The following PDE4DIP variants were observed in gnomAD, a reference collection of about 807,000 sequenced individuals.
PDE4DIP encodes phosphodiesterase 4D interacting protein.
Under a neutral mutation model 221.4 loss-of-function variants are expected in PDE4DIP, and 59 were observed. The observed-to-expected ratio is 0.27, with a 90% CI of 0.22 to 0.33. PDE4DIP has a LOEUF of 0.33. Among genes scored for constraint, PDE4DIP ranks in the 10% least tolerant of loss-of-function variants. PDE4DIP has a pLI of 1.00. For synonymous variants in PDE4DIP, 404 were observed against 815.9 expected, an observed-to-expected ratio of 0.50 and a Z score of 8.60; for missense variants, 1,036 against 2,154.2, an observed-to-expected ratio of 0.48 and a Z score of 10.28.
chr1:149,000,352 C>T (rs1161312242), intron 23 of PDE4DIP, among the ~76,000 whole-genome samples: 5 of 152,124 alleles, frequency 3.3e-5, no homozygotes, highest in Non-Finnish European at 7.4e-5. Flanking sequence ...GTCAGGAGTT[C>T]GAGACCAGCC....
intron 5 of PDE4DIP, among the ~76,000 whole-genome samples, chr1:148,958,773 TA>T (rs1199315775): frequency 1.3e-5 from 2 of 151,536 alleles, no homozygotes; most frequent in East Asian, 3.9e-4. Context: ...TTGGGTTAAA[TA>T]AAATATTTTG....
chr1:149,006,134 G>GAAAA (rs148528730), intron 27 of PDE4DIP, among the ~76,000 whole-genome samples: 1 of 132,424 alleles, frequency 7.6e-6, no homozygotes, highest in Non-Finnish European at 1.7e-5. Flanking sequence ...GTCTGTCTCG[G>GAAAA]AAAAAAAAAA....
chr1:148,914,385 G>GGGA (rs1435118414), intron 1 of PDE4DIP, among the ~76,000 whole-genome samples: 4 of 151,550 alleles, frequency 2.6e-5, no homozygotes, highest in Non-Finnish European at 5.9e-5. Flanking sequence ...CCAGCACTTT[G>GGGA]GGAGGCCAAG....
rs1303652427 is a variant in PDE4DIP, at chr1:148,972,736, CT to C, written c.2227+145del. On this transcript the variant is annotated intron_variant, in intron 16 of 43. Coordinates refer to ENST00000369354, the Ensembl canonical transcript of PDE4DIP. ...ATAAGTTTGGAATTCCTCTGAAAGG[CT>C]GAAGAACTGTCCTTACCTTATGTTG... 8 of 565,126 alleles carry C rather than the reference CT, an allele frequency of 1.4e-5. No homozygotes were observed. In the African/African-American group the frequency reaches 1.5e-4, roughly 11 times the overall value. 35.0% of individuals were successfully genotyped at this position (565,126 alleles called of 1,614,324 possible).
At chr1:148,915,923 CCTA>C (rs1471565704) in intron 1 of PDE4DIP, among the ~76,000 whole-genome samples, 1 of 145,706 alleles carries the variant, frequency 6.9e-6, no homozygotes, top group African/African-American at 2.6e-5. Context: ...CTTATAATTA[CCTA>C]GAGTCATTTT....
intron 21 of PDE4DIP, chr1:148,989,297 AAG>A (rs2062531694): frequency 1.4e-6 from 1 of 728,812 alleles, no homozygotes; most frequent in African/African-American, 1.9e-5. Flanking sequence ...TAGCTTAAAA[AAG>A]AGAGAATGAA....
intron 4 of PDE4DIP, among the ~76,000 whole-genome samples, chr1:148,933,037 C>G (rs1187461691): frequency 6.6e-6 from 1 of 152,068 alleles, no homozygotes; most frequent in African/African-American, 2.4e-5. Flanking sequence ...TCTAGGACTT[C>G]CCAGCCTCCA....
chr1:148,969,557 A>G (rs1220972506), intron 14 of PDE4DIP, among the ~76,000 whole-genome samples: 1 of 151,892 alleles, frequency 6.6e-6, no homozygotes, highest in African/African-American at 2.4e-5. Context: ...AAGGTATGGG[A>G]AAACTTACAC....
At chr1:148,946,608 T>C (rs1234575623) in intron 5 of PDE4DIP, among the ~76,000 whole-genome samples, 8 of 140,378 alleles carry the variant, frequency 5.7e-5, no homozygotes, top group African/African-American at 2.1e-4. Context: ...AAAAAGGTTT[T>C]CATCATGTCA....
chr1:149,016,204 C>T (rs2070491501), intron 32 of PDE4DIP, 95 bp from the exon 36 acceptor site: 4 of 724,184 alleles, frequency 5.5e-6, no homozygotes, highest in Non-Finnish European at 9.1e-6. Flanking sequence ...CACATGTCTC[C>T]TTTTAGTCTC....
chr1:148,975,043 C>A (rs1482828251), intron 17 of PDE4DIP, among the ~76,000 whole-genome samples: 1 of 131,340 alleles, frequency 7.6e-6, no homozygotes, highest in Non-Finnish European at 1.6e-5. Flanking sequence ...TAGTGGCGGG[C>A]GCCTGTAATC....
chr1:148,990,595 G>A (rs1283354586), intron 21 of PDE4DIP, among the ~76,000 whole-genome samples: 2 of 150,436 alleles, frequency 1.3e-5, no homozygotes, highest in African/African-American at 4.9e-5. Context: ...TCTAGTGAGG[G>A]CTAGTTGTGT....
intron 17 of PDE4DIP, among the ~76,000 whole-genome samples, chr1:148,976,587 T>C (rs2060216077): frequency 6.6e-6 from 1 of 152,142 alleles, no homozygotes; most frequent in Non-Finnish European, 1.5e-5. Context: ...AGGTAGGTAG[T>C]GAATGAAATC....
chr1:149,029,156 C>G (rs1553633481), intron 41 of PDE4DIP, among the ~76,000 whole-genome samples: 1 of 152,158 alleles, frequency 6.6e-6, no homozygotes, highest in African/African-American at 2.4e-5. Context: ...CAACATACAA[C>G]TTAAGCTGGC....
intron 20 of PDE4DIP, 91 bp from the exon 24 acceptor site, chr1:148,981,179 A>T: frequency 8.4e-7 from 1 of 1,190,998 alleles, no homozygotes; most frequent in Admixed American, 1.8e-5. Flanking sequence ...CGTGTGGCTC[A>T]AAGTGGTATT....
intron 5 of PDE4DIP, among the ~76,000 whole-genome samples, chr1:148,954,309 G>A (rs1211874231): frequency 6.6e-6 from 1 of 151,574 alleles, no homozygotes; most frequent in East Asian, 1.9e-4. Flanking sequence ...CCTCCCAATG[G>A]TTTTCTGTAA....
chr1:148,987,366 G>A (rs1230473961), intron 21 of PDE4DIP, among the ~76,000 whole-genome samples: 2 of 152,134 alleles, frequency 1.3e-5, no homozygotes, highest in African/African-American at 4.8e-5. Context: ...TAGTTTGATA[G>A]GAGGCCTCTT....
At position 148,864,360 on chromosome 1, in the gene PDE4DIP, CTG is replaced by C. The variant is rs369803665; in HGVS notation, c.289+1057_289+1058del. 3.6e-3 allele frequency among the ~76,000 whole-genome samples: 513 copies of C among 141,222 alleles called. 4 individuals carry two copies. Among genetic ancestry groups the C allele is most frequent in the African/African-American group, 0.013 (478 of 37,438 alleles). 92.6% of individuals were successfully genotyped at this position (141,222 alleles called of 152,430 possible). On this transcript the variant is annotated intron_variant, in intron 2 of 45. Coordinates refer to the PDE4DIP transcript ENST00000524974. The stretch of plus-strand genomic sequence containing the variant: ...CAGAGGCTATCAAGGAATAAGCACT[CTG>C]TATCTTATCTATTGTTACTATTAAT...
chr1:148,963,105 G>A (rs1354080917), intron 9 of PDE4DIP, among the ~76,000 whole-genome samples: 7 of 152,116 alleles, frequency 4.6e-5, no homozygotes, highest in Non-Finnish European at 1.0e-4. Flanking sequence ...ATCGTGTTAG[G>A]ATGGTCTCGA....
Sources: gnomAD v4.1 joint callset for allele counts (sites outside exome capture counted in the v4.1 genomes callset) on GRCh38, gnomAD v4.1.1 for gene constraint, MANE v1.5 for transcripts, NCBI Gene and HGNC (gene_info 2026-07-23, HGNC 2026-07-21) for gene names.